The following ANK3 variants were observed in gnomAD, a reference collection of about 807,000 sequenced individuals.
ANK3 encodes ankyrin-3.
A neutral mutation model predicts 370.9 loss-of-function variants in ANK3; 57 were observed. The observed-to-expected ratio is 0.15, with a 90% CI of 0.12 to 0.19. The LOEUF (loss-of-function observed/expected upper bound fraction) is 0.19, where lower values mean the gene tolerates loss of function less well. ANK3 is among the 10% of genes least tolerant of loss of function. The pLI is 1.00. For synonymous variants in ANK3, 1,929 were observed against 1,946.3 expected (o/e 0.99, Z 0.23); for missense variants, 4,439 against 5,302.1 (o/e 0.84, Z 5.06).
chr10:60,585,446 C>T (rs1273906771), intron 2 of ANK3, among the ~76,000 whole-genome samples: 1 of 151,984 alleles, frequency 6.6e-6, no homozygotes, highest in Non-Finnish European at 1.5e-5. Context: ...CTGAGTGCCC[C>T]CAAAGACCCC....
At chr10:60,500,444 G>A (rs893683516) in intron 2 of ANK3, among the ~76,000 whole-genome samples, 2 of 152,134 alleles carry the variant, frequency 1.3e-5, no homozygotes, top group African/African-American at 2.4e-5. Flanking sequence ...GGTAATGTGA[G>A]GAAACCAGGT....
rs1555069285 is a variant in ANK3 at position 60,176,192 on chromosome 10, A to AAC, written c.2185-3007_2185-3006insGT. Among the ~76,000 whole-genome samples the AAC allele has an allele frequency of 6.1e-3, 881 of 143,928 alleles. 13 individuals are homozygous for AAC. The highest frequency in any genetic ancestry group is 0.021 in the African/African-American group (809 of 37,848). The allele number at this position is 143,928 out of a possible 152,430, so 94.4% of individuals were successfully genotyped here. On this transcript the variant is annotated intron_variant, in intron 18 of 43. Transcript: ENST00000280772. Reference sequence around the variant, plus strand: ...CTGCTAAAAATACAAAAAAAAAAAAAAAACAAAAAAAAACAAAAAACAATT... The same window carrying AAC: ...CTGCTAAAAATACAAAAAAAAAAAAAACAAACAAAAAAAAACAAAAAACAATT...
chr10:60,109,921 T>C (rs1047680281), intron 26 of ANK3, among the ~76,000 whole-genome samples: 5 of 152,178 alleles, frequency 3.3e-5, no homozygotes, highest in African/African-American at 1.2e-4. Flanking sequence ...TATAACACAG[T>C]TATCGTTATC....
Position 60,133,651 on chromosome 10 carries a change from G to A in ANK3, c.2841+620C>T, listed in dbSNP as rs115763814. Among the ~76,000 whole-genome samples the A allele has an allele frequency of 7.8e-3, 1,192 of 152,208 alleles. 10 individuals are homozygous for A. Among genetic ancestry groups the A allele is most frequent in the African/African-American group, 0.026 (1,065 of 41,518 alleles). ...AAAATACAACATTCAGGCTGGGTGC[G>A]GTGGTTCACACCTGTTCCCAGCACT... is the stretch of plus-strand genomic sequence containing the variant. On this transcript the variant is annotated intron_variant, in intron 25 of 43. Coordinates refer to ENST00000280772, the MANE Select transcript of ANK3 (RefSeq NM_020987.5).
intron 2 of ANK3, among the ~76,000 whole-genome samples, chr10:60,557,639 A>G (rs1193305736): frequency 1.3e-5 from 2 of 152,172 alleles, no homozygotes; most frequent in Non-Finnish European, 2.9e-5. Flanking sequence ...GTATTTTGCA[A>G]TATAATATAT....
chr10:60,637,090 G>A (rs1160647166), intron 1 of ANK3, among the ~76,000 whole-genome samples: 3 of 152,242 alleles, frequency 2.0e-5, no homozygotes, highest in Non-Finnish European at 4.4e-5. Context: ...TCACATTTCA[G>A]TCACCTTAAA....
At position 60,360,943 on chromosome 10, in the gene ANK3, TAAGA is replaced by T. The variant is rs533341307; in HGVS notation, c.114+28478_114+28481del. Among the ~76,000 whole-genome samples, 93 of 152,304 alleles carry T rather than the reference TAAGA, an allele frequency of 6.1e-4. 1 individual carries two copies. Among genetic ancestry groups the T allele is most frequent in the African/African-American group, 2.0e-3 (83 of 41,570 alleles). On this transcript the variant is annotated intron_variant, in intron 1 of 43. Coordinates refer to ENST00000280772, the MANE Select transcript of ANK3 (RefSeq NM_020987.5). ...CACAGAAAGATTATCAATTTTTTTC[TAAGA>T]AAGATTGGTGAAAATGAAAAATGCC...
intron 2 of ANK3, among the ~76,000 whole-genome samples, chr10:60,607,992 C>T (rs552640721): frequency 7.2e-5 from 11 of 152,242 alleles, no homozygotes; most frequent in Non-Finnish European, 8.8e-5. Context: ...AAATCCTTGA[C>T]GAATTTTTCT....
intron 16 of ANK3, among the ~76,000 whole-genome samples, chr10:60,187,160 T>TTTATTTTA (rs1214057014): frequency 6.6e-6 from 1 of 151,528 alleles, no homozygotes; most frequent in African/African-American, 2.4e-5. Flanking sequence ...TTTATTTTAT[T>TTTATTTTA]TTATTTTATT....
intron 2 of ANK3, among the ~76,000 whole-genome samples, chr10:60,602,685 A>G (rs1243842925): frequency 6.6e-6 from 1 of 152,124 alleles, no homozygotes; most frequent in East Asian, 1.9e-4. Flanking sequence ...CAGGCATCTC[A>G]CTGAAATATA....
intron 23 of ANK3, among the ~76,000 whole-genome samples, chr10:60,152,428 A>G (rs1419418175): frequency 6.6e-6 from 1 of 152,192 alleles, no homozygotes; most frequent in African/African-American, 2.4e-5. Context: ...CTCTATAGAA[A>G]AAGTCTGCTG....
chr10:60,726,495 C>T (rs1488222512), intron 1 of ANK3, among the ~76,000 whole-genome samples: 2 of 152,206 alleles, frequency 1.3e-5, no homozygotes, highest in South Asian at 2.1e-4. Context: ...AGTTATAATC[C>T]TTATACAAAT....
chr10:60,287,362 T>G (rs2040249459), intron 1 of ANK3, among the ~76,000 whole-genome samples: 1 of 152,166 alleles, frequency 6.6e-6, no homozygotes, highest in South Asian at 2.1e-4. Flanking sequence ...CCTGGCCAGT[T>G]CAGGCCCTTA....
In ANK3 at chr10:60,428,766, C is replaced by T. The variant is rs186010359; in HGVS notation, c.97-149127G>A. ...CAACAAGGTTTCCATGGACATAGAA[C>T]GAACTCTGACCTCTTGGGGACCACA... On this transcript the variant is annotated intron_variant, in intron 2 of 43. Coordinates refer to the ANK3 transcript ENST00000373827. Among the ~76,000 whole-genome samples the T allele has an allele frequency of 5.9e-5, 9 of 152,234 alleles. No homozygotes were observed. The East Asian group carries it at 7.7e-4, about 13-fold the overall frequency.
intron 9 of ANK3, among the ~76,000 whole-genome samples, chr10:60,209,266 T>C (rs947768842): frequency 1.3e-5 from 2 of 152,210 alleles, no homozygotes. Flanking sequence ...AAAAAAATTG[T>C]CATCAATGAA....
intron 1 of ANK3, among the ~76,000 whole-genome samples, chr10:60,372,077 C>T (rs184036375): frequency 1.3e-5 from 2 of 152,232 alleles, no homozygotes; most frequent in Admixed American, 6.5e-5. Context: ...CTACACTTTA[C>T]CGCTGTTTAT....
intron 2 of ANK3, among the ~76,000 whole-genome samples, chr10:60,601,904 A>G (rs892879071): frequency 2.6e-5 from 4 of 152,174 alleles, no homozygotes; most frequent in Non-Finnish European, 5.9e-5. Context: ...GCAATTCTAT[A>G]TGCAATAATC....
At chr10:60,128,847 C>A (rs896182747) in intron 25 of ANK3, among the ~76,000 whole-genome samples, 16 of 152,218 alleles carry the variant, frequency 1.1e-4, no homozygotes, top group Admixed American at 1.0e-3. Context: ...TATCTCCTGA[C>A]ACTGAAGGTA....
At chr10:60,519,399 T>C (rs1003723239) in intron 2 of ANK3, among the ~76,000 whole-genome samples, 2 of 152,128 alleles carry the variant, frequency 1.3e-5, no homozygotes, top group African/African-American at 4.8e-5. Flanking sequence ...CCAATGCTGG[T>C]GGAAATGTTA....
Sources: allele counts gnomAD v4.1 joint callset (sites outside exome capture counted in the v4.1 genomes callset), GRCh38; gene constraint gnomAD v4.1.1; transcripts MANE v1.5; gene names NCBI Gene and HGNC (gene_info 2026-07-23, HGNC 2026-07-21).